The following ZNRF1 variants were observed in gnomAD, a reference collection of about 807,000 sequenced individuals.
The protein encoded by ZNRF1 is zinc and ring finger 1, also known as E3 ubiquitin-protein ligase ZNRF1.
Under a neutral mutation model 18.4 loss-of-function variants are expected in ZNRF1, and 3 were observed. The ratio of observed to expected loss-of-function variants is 0.16; its 90% CI spans 0.07 to 0.42. ZNRF1 has a LOEUF of 0.42. Ranked by LOEUF, ZNRF1 falls within the 10% of genes least tolerant of loss-of-function variation. ZNRF1 has a pLI of 0.99. For synonymous variants in ZNRF1, 157 were observed against 144.2 expected, an observed-to-expected ratio of 1.09 and a Z score of -0.64; for missense variants, 310 against 329.8, an observed-to-expected ratio of 0.94 and a Z score of 0.47.
intron 1 of ZNRF1, among the ~76,000 whole-genome samples, chr16:75,009,484 G>A (rs1046040368): frequency 1.7e-4 from 26 of 152,206 alleles, no homozygotes; most frequent in Admixed American, 1.1e-3. Flanking sequence ...AGGTTGAATC[G>A]TATTCCATTG....
chr16:75,013,156 C>T (rs1013975162), intron 1 of ZNRF1, among the ~76,000 whole-genome samples: 4 of 152,180 alleles, frequency 2.6e-5, no homozygotes, highest in African/African-American at 9.7e-5. Context: ...AGGTTCAACA[C>T]TTTCATATGA....
intron 1 of ZNRF1, among the ~76,000 whole-genome samples, chr16:75,090,042 C>T (rs1343848751): frequency 2.0e-5 from 3 of 152,192 alleles, no homozygotes; most frequent in Non-Finnish European, 4.4e-5. Context: ...AGACCACATC[C>T]CTCCTCTCCT....
At chr16:75,039,451 C>G (rs111747150) in intron 1 of ZNRF1, among the ~76,000 whole-genome samples, 3,784 of 152,248 alleles carry the variant, frequency 0.025, 68 homozygotes, top group Middle Eastern at 0.061. Flanking sequence ...ACAGATTTTA[C>G]TCTTGAAACT....
chr16:75,053,477 T>A (rs2035630592), intron 1 of ZNRF1, among the ~76,000 whole-genome samples: 1 of 150,306 alleles, frequency 6.7e-6, no homozygotes, highest in Non-Finnish European at 1.5e-5. Flanking sequence ...TAGTCCCAGC[T>A]ACTCAAGAGA....
chr16:75,037,199 G>A (rs1373081169), intron 1 of ZNRF1, among the ~76,000 whole-genome samples: 1 of 152,152 alleles, frequency 6.6e-6, no homozygotes, highest in Admixed American at 6.5e-5. Context: ...AGGATCTTTT[G>A]TTCCTCCTGT....
chr16:75,016,300 GT>G, intron 1 of ZNRF1, among the ~76,000 whole-genome samples: 1 of 149,050 alleles, frequency 6.7e-6, no homozygotes, highest in East Asian at 2.0e-4. Flanking sequence ...GTGCAGTGGC[GT>G]TATCTCGGCT....
rs67210395 is a variant in ZNRF1 at position 75,010,711 on chromosome 16, G to GTTTTTTTTTTTTT, written c.424+10623_424+10624insTTTTTTTTTTTTT. Among the ~76,000 whole-genome samples the GTTTTTTTTTTTTT allele has an allele frequency of 1.1e-3, 82 of 74,340 alleles. 6 individuals carry two copies. Among genetic ancestry groups the GTTTTTTTTTTTTT allele is most frequent in the African/African-American group, 2.1e-3 (54 of 25,798 alleles). The allele number at this position is 74,340 out of a possible 152,430, so 48.8% of individuals were successfully genotyped here. ...CCTCTGTACTGTACTGTTTTTTTTT[G>GTTTTTTTTTTTTT]TTTTTTTGTTTTTTTTTTTTTGAGG... On this transcript the variant is annotated intron_variant, in intron 1 of 4. Transcript: ENST00000335325.
intron 4 of ZNRF1, chr16:75,106,822 C>G (rs1349084659): frequency 2.3e-6 from 1 of 430,152 alleles, no homozygotes; most frequent in Non-Finnish European, 4.3e-6. Context: ...GGGAAGAGAC[C>G]AGTACAATCT....
chr16:75,018,508 T>G (rs1336279968), intron 1 of ZNRF1, among the ~76,000 whole-genome samples: 1 of 152,210 alleles, frequency 6.6e-6, no homozygotes, highest in Admixed American at 6.5e-5. Flanking sequence ...CTCCTGCTTT[T>G]TTTTAAAGGG....
chr16:75,015,176 T>C (rs2035050355), intron 1 of ZNRF1, among the ~76,000 whole-genome samples: 1 of 152,374 alleles, frequency 6.6e-6, no homozygotes, highest in East Asian at 1.9e-4. Flanking sequence ...TTTTCTCTTA[T>C]GGCTTATGCA....
chr16:75,072,430 G>T lies in ZNRF1; in HGVS notation c.425-21142G>T, dbSNP rs2035880912. 2.0e-5 allele frequency among the ~76,000 whole-genome samples: 3 copies of T among 152,232 alleles called. No homozygotes were observed. The South Asian group carries it at 6.2e-4, about 32-fold the overall frequency. ...GTCCCTGTCGTAATGCTGATCACAA[G>T]GTAGTGCTCTGGCTTGTTTACTTGT... On this transcript the variant is annotated intron_variant, in intron 1 of 4. Coordinates refer to ENST00000335325, the MANE Select transcript of ZNRF1 (RefSeq NM_032268.5).
rs2034801303 is a variant in ZNRF1, at chr16:74,999,275, C to G, written c.-397C>G. 6.8e-6 allele frequency: 1 copy of G among 147,662 alleles called. No homozygotes were observed. The highest frequency in any genetic ancestry group is 2.4e-5 in the African/African-American group (1 of 40,886). The allele number at this position is 147,662 out of a possible 1,614,324, so 9.1% of individuals were successfully genotyped here. A position where few individuals can be genotyped will look rare whatever the true frequency, so the allele number is the denominator to read the frequency against. ...CCCGGCCCTCCTCCGCCTCCTCCCGCGGGGCGGGCGGCCTCCTCCGGCGCC... is the reference window on the plus strand; with the variant it reads ...CCCGGCCCTCCTCCGCCTCCTCCCGGGGGGCGGGCGGCCTCCTCCGGCGCC... On this transcript the variant is annotated 5_prime_UTR_variant, in exon 1 of 5. Transcript: ENST00000335325.
At chr16:75,024,564 A>G (rs971528441) in intron 1 of ZNRF1, among the ~76,000 whole-genome samples, 1 of 152,232 alleles carries the variant, frequency 6.6e-6, no homozygotes, top group Non-Finnish European at 1.5e-5. Context: ...GACTTTCTGC[A>G]GGAAATTAAT....
chr16:75,054,817 T>C (rs2035648356), intron 1 of ZNRF1, among the ~76,000 whole-genome samples: 1 of 152,216 alleles, frequency 6.6e-6, no homozygotes, highest in Admixed American at 6.5e-5. Flanking sequence ...TCCATGGCAA[T>C]GGTGCTTTGG....
At position 75,085,203 on chromosome 16, in the gene ZNRF1, C is replaced by G. The variant is rs77657067; in HGVS notation, c.425-8369C>G. Among the ~76,000 whole-genome samples, 576 of 152,312 alleles carry G rather than the reference C, an allele frequency of 3.8e-3. 2 individuals are homozygous for G. The highest frequency in any genetic ancestry group is 0.013 in the African/African-American group (550 of 41,558). On this transcript the variant is annotated intron_variant, in intron 1 of 4. Coordinates refer to ENST00000335325, the MANE Select transcript of ZNRF1 (RefSeq NM_032268.5). ...TACCTTCTCAGTGAATCTCTGCCCCCACCCTAACCCCTGGAGACAACCACT... is the reference window on the plus strand; with the variant it reads ...TACCTTCTCAGTGAATCTCTGCCCCGACCCTAACCCCTGGAGACAACCACT...
chr16:75,059,562 T>C (rs2035717312), intron 1 of ZNRF1, among the ~76,000 whole-genome samples: 1 of 152,150 alleles, frequency 6.6e-6, no homozygotes, highest in African/African-American at 2.4e-5. Context: ...CCCATCTTCT[T>C]ACTTTTGTTT....
intron 1 of ZNRF1, among the ~76,000 whole-genome samples, chr16:75,031,690 T>C (rs1043451270): frequency 6.6e-6 from 1 of 151,804 alleles, no homozygotes; most frequent in Non-Finnish European, 1.5e-5. Context: ...GTATTTTCCA[T>C]AGAGACAGGG....
At chr16:75,010,711 G>GTTTTTGTT (rs2034986440) in intron 1 of ZNRF1, among the ~76,000 whole-genome samples, 3 of 74,322 alleles carry the variant, frequency 4.0e-5, no homozygotes, top group South Asian at 3.8e-4. Context: ...GTTTTTTTTT[G>GTTTTTGTT]TTTTTTTGTT....
At chr16:75,038,042 T>C (rs781553538) in intron 1 of ZNRF1, among the ~76,000 whole-genome samples, 1 of 152,206 alleles carries the variant, frequency 6.6e-6, no homozygotes, top group Non-Finnish European at 1.5e-5. Context: ...TTGACTATGA[T>C]TGCATATCAT....
Sources: gnomAD v4.1 joint callset for allele counts (sites outside exome capture counted in the v4.1 genomes callset) on GRCh38, gnomAD v4.1.1 for gene constraint, MANE v1.5 for transcripts, NCBI Gene and HGNC (gene_info 2026-07-23, HGNC 2026-07-21) for gene names.